The following ITGA4 variants were observed in gnomAD, a reference collection of about 807,000 sequenced individuals.
The protein encoded by ITGA4 is integrin subunit alpha 4.
A neutral mutation model predicts 133.6 loss-of-function variants in ITGA4; 63 were observed. That is an observed-to-expected ratio of 0.47 (90% CI 0.38 to 0.58). ITGA4 has a LOEUF of 0.58. ITGA4 is among the 20% of genes least tolerant of loss of function. The pLI is 0.00. For synonymous variants in ITGA4, 483 were observed against 438.0 expected (o/e 1.10, Z -1.28); for missense variants, 1,076 against 1,252.7 (o/e 0.86, Z 2.13).
chr2:181,520,793 G>T (rs906417509), intron 17 of ITGA4, among the ~76,000 whole-genome samples: 3 of 152,106 alleles, frequency 2.0e-5, no homozygotes, highest in Non-Finnish European at 4.4e-5. Context: ...CTAGGAAGGA[G>T]TGAAGTGTGT....
chr2:181,528,518 T>C (rs1686878565), intron 22 of ITGA4, among the ~76,000 whole-genome samples: 1 of 152,246 alleles, frequency 6.6e-6, no homozygotes, highest in South Asian at 2.1e-4. Context: ...TATGTAGATA[T>C]TCTTAGAGGT....
chr2:181,523,509 A>C lies in ITGA4; in HGVS notation c.2146A>C (p.Ile716Leu), dbSNP rs200478268. The part of the protein sequence containing the change: ...VVQLDCSIGY[I>L]YVDHLSRIDI... The stretch of plus-strand genomic sequence containing the variant: ...ACAACTTGACTGCAGTATTGGCTAT[A>C]TATATGTAGATCATCTCTCAAGGGT... The change falls in exon 19 of 28, where the codon ATA becomes CTA. Residue 716 changes from isoleucine to leucine, a missense_variant. This residue lies in a region of ITGA4 where 365 missense variants were observed against 421.4 expected (regional missense o/e 0.87). Transcript: ENST00000397033. The surrounding 1 kb of genome is among the most constrained non-coding windows in gnomAD (Gnocchi z 4.2). The C allele has an allele frequency of 6.3e-7, 1 of 1,589,450 alleles. No individual in the cohort carries two copies. Among genetic ancestry groups the C allele is most frequent in the Non-Finnish European group, 8.6e-7 (1 of 1,157,810 alleles).
rs1372780563 is a variant in ITGA4 at position 181,537,740 on chromosome 2, AAAAAAAAGAATTTGAATTGAT to A, written c.*2215_*2235del. 3 of 438,752 alleles carry A rather than the reference AAAAAAAAGAATTTGAATTGAT, an allele frequency of 6.8e-6. No homozygotes were observed. In the East Asian group the frequency reaches 2.1e-4, roughly 31 times the overall value. The allele number at this position is 438,752 out of a possible 1,614,324, so 27.2% of individuals were successfully genotyped here. A position where few individuals can be genotyped will look rare whatever the true frequency, so the allele number is the denominator to read the frequency against. On this transcript the variant is annotated 3_prime_UTR_variant, in exon 28 of 28. Coordinates refer to ENST00000397033, the MANE Select transcript of ITGA4 (RefSeq NM_000885.6). The stretch of plus-strand genomic sequence containing the variant: ...TTTGTGTGTCCAATAAACACATTGT[AAAAAAAAGAATTTGAATTGAT>A]ATCTAAAAACAGAATTTGAATTGAT...
chr2:181,468,193 C>T (rs1685465992), intron 2 of ITGA4, among the ~76,000 whole-genome samples: 1 of 152,178 alleles, frequency 6.6e-6, no homozygotes. Context: ...TAAGTCATCC[C>T]ACTCACAAAT....
At chr2:181,466,625 ACAT>A (rs1685423183) in intron 2 of ITGA4, among the ~76,000 whole-genome samples, 1 of 152,154 alleles carries the variant, frequency 6.6e-6, no homozygotes, top group African/African-American at 2.4e-5. Context: ...GAATTCATAA[ACAT>A]CATTATCTTT....
At chr2:181,477,707 G>A (rs1318225989) in intron 4 of ITGA4, among the ~76,000 whole-genome samples, 2 of 152,104 alleles carry the variant, frequency 1.3e-5, no homozygotes, top group Non-Finnish European at 2.9e-5. Flanking sequence ...AAGTGTTGGC[G>A]AAGGTGTGAA....
chr2:181,521,568 T>C (rs768419919), intron 17 of ITGA4, among the ~76,000 whole-genome samples: 12 of 152,190 alleles, frequency 7.9e-5, no homozygotes, highest in Non-Finnish European at 1.6e-4. Context: ...ATCTATACTT[T>C]GCAATACACA....
chr2:181,484,436 T>G (rs1685871180), intron 9 of ITGA4, among the ~76,000 whole-genome samples: 1 of 152,160 alleles, frequency 6.6e-6, no homozygotes, highest in Admixed American at 6.5e-5. Flanking sequence ...TGCATTGTCT[T>G]AAGTCTATAC....
intron 15 of ITGA4, among the ~76,000 whole-genome samples, chr2:181,501,795 A>G (rs1686277970): frequency 6.6e-6 from 1 of 152,166 alleles, no homozygotes; most frequent in South Asian, 2.1e-4. Context: ...TCTAGAGTTC[A>G]GTCGTGGGCC....
rs545030866 is a variant in ITGA4, at chr2:181,523,241, C to T, written c.2074-196C>T. 2.2e-5 allele frequency: 10 copies of T among 457,764 alleles called. No individual in the cohort carries two copies. The highest frequency in any genetic ancestry group is 2.0e-4 in the East Asian group (5 of 25,378). 28.4% of individuals were successfully genotyped at this position (457,764 alleles called of 1,614,324 possible). On this transcript the variant is annotated intron_variant, in intron 18 of 27. Coordinates refer to ENST00000397033, the MANE Select transcript of ITGA4 (RefSeq NM_000885.6). This position sits in a 1 kb window ranked among gnomAD's most constrained non-coding sequence, Gnocchi z 4.2. ...ACACATATATACATACATATATATA[C>T]ACATACATATATACACACATGCACA...
rs1686209251 is a variant in ITGA4, at chr2:181,498,774, G to A, written c.1692G>A (p.Met564Ile). 6.3e-7 allele frequency: 1 copy of A among 1,595,242 alleles called. No individual in the cohort carries two copies. The highest frequency in any genetic ancestry group is 8.5e-7 in the Non-Finnish European group (1 of 1,172,238). Reference protein sequence around the residue: ...EANCRTHQAFMRKDVRDILTP... With the variant: ...EANCRTHQAFIRKDVRDILTP... ...ACTGTAGAACACATCAAGCATTTAT[G>A]CGGGTAATGTAAGCTATTTTTTATT... is the stretch of plus-strand genomic sequence containing the variant. The change falls in exon 15 of 28, where the codon ATG (methionine) becomes ATA (isoleucine). Residue 564 changes from methionine (M) to isoleucine (I), a missense_variant. Physicochemically the swap from Met to Ile is conservative, Grantham distance 10 (BLOSUM62 1). This residue lies in a region of ITGA4 where 365 missense variants were observed against 421.4 expected (regional missense o/e 0.87). Transcript: ENST00000397033.
At chr2:181,461,303 G>A (rs530821466) in intron 2 of ITGA4, among the ~76,000 whole-genome samples, 8 of 150,570 alleles carry the variant, frequency 5.3e-5, no homozygotes, top group East Asian at 2.0e-4. Context: ...GGATAGTACC[G>A]CAAGGTGCTT....
intron 2 of ITGA4, among the ~76,000 whole-genome samples, chr2:181,463,519 G>T (rs1342488903): frequency 6.6e-6 from 1 of 152,124 alleles, no homozygotes; most frequent in Non-Finnish European, 1.5e-5. Context: ...AGGTATTTAG[G>T]AGATAGCACT....
intron 2 of ITGA4, among the ~76,000 whole-genome samples, chr2:181,472,183 G>T (rs190324340): frequency 3.3e-5 from 5 of 151,680 alleles, no homozygotes; most frequent in Admixed American, 6.6e-5. Context: ...ATATTAAATA[G>T]ATAAGAGTTC....
At chr2:181,476,649 G>A (rs1439277093) in intron 4 of ITGA4, among the ~76,000 whole-genome samples, 2 of 152,024 alleles carry the variant, frequency 1.3e-5, no homozygotes, top group African/African-American at 4.8e-5. Flanking sequence ...TTTCAGTTGG[G>A]CAAAATCTAA....
intron 15 of ITGA4, among the ~76,000 whole-genome samples, chr2:181,504,788 T>G (rs186767981): frequency 2.4e-4 from 36 of 152,138 alleles, no homozygotes; most frequent in African/African-American, 8.4e-4. Flanking sequence ...TTTAAAAAAT[T>G]CTATAAGAAA....
At chr2:181,476,646 T>C (rs1350551867) in intron 4 of ITGA4, among the ~76,000 whole-genome samples, 6 of 152,154 alleles carry the variant, frequency 3.9e-5, no homozygotes, top group Non-Finnish European at 7.4e-5. Flanking sequence ...ATATTTCAGT[T>C]GGGCAAAATC....
intron 17 of ITGA4, among the ~76,000 whole-genome samples, chr2:181,515,390 A>G (rs1686585015): frequency 6.6e-6 from 1 of 152,118 alleles, no homozygotes; most frequent in Non-Finnish European, 1.5e-5. Flanking sequence ...AATAAAAGTC[A>G]TTACTATTTC....
intron 18 of ITGA4, 88 bp downstream of exon 18, chr2:181,522,429 T>C (rs1187889042): frequency 1.1e-6 from 1 of 916,784 alleles, no homozygotes; most frequent in Admixed American, 2.4e-5. Flanking sequence ...CTTCACTGAT[T>C]TGGGGTATAA....
Sources: gnomAD v4.1 joint callset for allele counts (sites outside exome capture counted in the v4.1 genomes callset) on GRCh38, gnomAD v4.1.1 for gene constraint, gnomAD v4.1.1 regional missense constraint, Gnocchi (gnomAD v3.1) non-coding constraint, MANE v1.5 for transcripts, NCBI Gene and HGNC (gene_info 2026-07-23, HGNC 2026-07-21) for gene names.